Variants in NRXN3 observed in about 807,000 individuals in gnomAD.
NRXN3 encodes neurexin III.
In NRXN3, 32 loss-of-function variants were observed where a neutral mutation model predicts 137.6. That is an observed-to-expected ratio of 0.23 (90% confidence interval 0.18 to 0.31). The LOEUF (loss-of-function observed/expected upper bound fraction) is 0.31. NRXN3 is among the 10% of genes least tolerant of loss of function. The pLI is 1.00. For synonymous variants in NRXN3, 798 were observed against 784.5 expected (o/e 1.02, Z -0.29); for missense variants, 1,574 against 2,062.5 (o/e 0.76, Z 4.59).
chr14:78,389,115 A>G (rs1302524888), intron 4 of NRXN3, among the ~76,000 whole-genome samples: 1 of 150,494 alleles, frequency 6.6e-6, no homozygotes, highest in Non-Finnish European at 1.5e-5. Context: ...GAGTGCAGTG[A>G]CACCATCTCG....
chr14:78,424,398 A>G (rs2093581030), intron 4 of NRXN3, among the ~76,000 whole-genome samples: 2 of 151,752 alleles, frequency 1.3e-5, no homozygotes, highest in Non-Finnish European at 2.9e-5. Flanking sequence ...TCCTCCCTTC[A>G]CCCTCCTGTC....
chr14:78,619,806 C>T (rs987872715), intron 4 of NRXN3, among the ~76,000 whole-genome samples: 28 of 152,194 alleles, frequency 1.8e-4, no homozygotes, highest in Middle Eastern at 3.4e-3. Flanking sequence ...ATTACCCAGC[C>T]TCAGGTAGTT....
chr14:79,833,520 G>A (rs1391958323), intron 20 of NRXN3, among the ~76,000 whole-genome samples: 9 of 151,924 alleles, frequency 5.9e-5, no homozygotes, highest in African/African-American at 1.5e-4. Flanking sequence ...TGCTTGAGAC[G>A]GACAAAACCT....
intron 4 of NRXN3, among the ~76,000 whole-genome samples, chr14:78,640,273 G>A (rs754359662): frequency 7.2e-5 from 11 of 152,156 alleles, no homozygotes; most frequent in Non-Finnish European, 1.2e-4. Context: ...TGAAAAAGTA[G>A]TTCAAATGTA....
At chr14:78,699,697 C>T (rs188390753) in intron 6 of NRXN3, among the ~76,000 whole-genome samples, 1 of 152,134 alleles carries the variant, frequency 6.6e-6, no homozygotes, top group African/African-American at 2.4e-5. Flanking sequence ...CAGGTACCAC[C>T]TATTCACCTC....
At chr14:78,404,576 A>T (rs1033867620) in intron 4 of NRXN3, among the ~76,000 whole-genome samples, 1 of 152,216 alleles carries the variant, frequency 6.6e-6, no homozygotes, top group Non-Finnish European at 1.5e-5. Context: ...TTACTGCTCT[A>T]GAATCTAACA....
intron 15 of NRXN3, among the ~76,000 whole-genome samples, chr14:79,097,490 G>T (rs2050558727): frequency 6.6e-6 from 1 of 152,148 alleles, no homozygotes; most frequent in South Asian, 2.1e-4. Context: ...TAAGTTTCAA[G>T]AAAGAATTTC....
Position 79,861,910 on chromosome 14 carries a change from C to T in NRXN3, c.4662C>T (p.Ser1554=). The T allele has an allele frequency of 1.9e-6, 3 of 1,613,848 alleles. No homozygotes were observed. Among genetic ancestry groups the T allele is most frequent in the South Asian group, 1.1e-5 (1 of 91,052 alleles). The stretch of plus-strand genomic sequence containing the variant: ...CGCTCATGAAGGAGAAGCAGCAGAG[C>T]TCGAAGAGCGGCCACAAGAAACAGA... ...NGTLMKEKQQ[S]SKSGHKKQKN... The change falls in exon 21 of 21, where the codon AGC becomes AGT. Residue 1554 remains serine (S), a synonymous_variant. Coordinates refer to ENST00000335750, the MANE Select transcript of NRXN3 (RefSeq NM_001330195.2). The surrounding 1 kb of genome is among the most constrained non-coding windows in gnomAD (Gnocchi z 5.4).
intron 15 of NRXN3, among the ~76,000 whole-genome samples, chr14:79,202,831 G>T (rs985031498): frequency 6.6e-6 from 1 of 152,042 alleles, no homozygotes; most frequent in Admixed American, 6.6e-5. Context: ...GAGTTGTACT[G>T]CTATAAACAT....
chr14:79,031,638 T>C (rs1010701695), intron 15 of NRXN3, among the ~76,000 whole-genome samples: 1 of 152,152 alleles, frequency 6.6e-6, no homozygotes, highest in Non-Finnish European at 1.5e-5. Flanking sequence ...GGATTCCATC[T>C]GGTGTAGCCA....
intron 16 of NRXN3, among the ~76,000 whole-genome samples, chr14:79,494,546 A>G (rs1437633715): frequency 1.3e-5 from 2 of 152,176 alleles, no homozygotes; most frequent in African/African-American, 2.4e-5. Context: ...TATGCAAGGG[A>G]CCAAAAAGGG....
At chr14:78,704,303 T>C (rs1404918363) in intron 6 of NRXN3, among the ~76,000 whole-genome samples, 1 of 152,186 alleles carries the variant, frequency 6.6e-6, no homozygotes, top group African/African-American at 2.4e-5. Context: ...ATTTATCAGA[T>C]TGTGGGATCA....
intron 4 of NRXN3, among the ~76,000 whole-genome samples, chr14:78,463,594 T>A (rs2094996864): frequency 6.7e-6 from 1 of 149,636 alleles, no homozygotes; most frequent in African/African-American, 2.5e-5. Context: ...TCTTTCTTTC[T>A]TCCATGATGG....
intron 10 of NRXN3, among the ~76,000 whole-genome samples, chr14:78,889,442 C>T (rs1033161166): frequency 3.9e-5 from 6 of 151,964 alleles, no homozygotes; most frequent in African/African-American, 1.4e-4. Context: ...TGCTTTACTT[C>T]ACCAACTGCA....
At chr14:79,468,786 C>T (rs575360797) in intron 16 of NRXN3, among the ~76,000 whole-genome samples, 1 of 152,300 alleles carries the variant, frequency 6.6e-6, no homozygotes, top group African/African-American at 2.4e-5. Flanking sequence ...CAGATCAGGG[C>T]AAGACTCTGC....
intron 15 of NRXN3, among the ~76,000 whole-genome samples, chr14:79,445,338 CA>C (rs374678294): frequency 0.015 from 1,979 of 130,392 alleles, 38 homozygotes; most frequent in African/African-American, 0.052. Context: ...GACCCCATCT[CA>C]AAAAAAAAAA....
intron 1 of NRXN3, among the ~76,000 whole-genome samples, chr14:78,230,787 G>T (rs531548612): frequency 1.1e-3 from 162 of 152,226 alleles, no homozygotes; most frequent in African/African-American, 3.8e-3. Context: ...GTGTCAGACC[G>T]TGGCCATGTG....
In NRXN3 at chr14:79,732,875, A is replaced by C. The variant is rs564332974; in HGVS notation, c.4014+34938A>C. On this transcript the variant is annotated intron_variant, in intron 19 of 20. Transcript: ENST00000335750. ...ATATACTCTTAAACACTATTTATACAGTATTAATGTGATTTGACAAAAGTG... is the reference window on the plus strand; with the variant it reads ...ATATACTCTTAAACACTATTTATACCGTATTAATGTGATTTGACAAAAGTG... Among the ~76,000 whole-genome samples the C allele has an allele frequency of 2.6e-5, 4 of 152,326 alleles. No homozygotes were observed. The South Asian group carries it at 8.3e-4, about 32-fold the overall frequency.
chr14:79,852,437 TC>T (rs894659534), intron 20 of NRXN3, among the ~76,000 whole-genome samples: 1 of 152,094 alleles, frequency 6.6e-6, no homozygotes, highest in Non-Finnish European at 1.5e-5. Flanking sequence ...TTTTCTATTT[TC>T]CCCTAAATGC....
Sources: gnomAD v4.1 joint callset for allele counts (sites outside exome capture counted in the v4.1 genomes callset) on GRCh38, gnomAD v4.1.1 for gene constraint, Gnocchi (gnomAD v3.1) non-coding constraint, MANE v1.5 for transcripts, NCBI Gene and HGNC (gene_info 2026-07-23, HGNC 2026-07-21) for gene names.